The following L3MBTL4 variants were observed in gnomAD, a reference collection of about 807,000 sequenced individuals.
L3MBTL4 encodes L3MBTL histone methyl-lysine binding protein 4, also known as lethal(3)malignant brain tumor-like protein 4.
L3MBTL4 carries 70 observed loss-of-function variants against 84.5 expected under a neutral mutation model. The observed-to-expected ratio is 0.83, with a 90% CI of 0.68 to 1.01. L3MBTL4 has a LOEUF of 1.01. Among genes scored for constraint, L3MBTL4 ranks in the 50% least tolerant of loss-of-function variants. L3MBTL4 has a pLI of 0.00. For synonymous variants in L3MBTL4, 274 were observed against 259.8 expected (o/e 1.05, Z -0.52); for missense variants, 715 against 754.8 (o/e 0.95, Z 0.62).
intron 14 of L3MBTL4, among the ~76,000 whole-genome samples, chr18:6,133,524 C>G (rs2059938897): frequency 6.6e-6 from 1 of 152,140 alleles, no homozygotes; most frequent in Non-Finnish European, 1.5e-5. Context: ...CCTCCCTCAT[C>G]TTTCCTTTTT....
chr18:6,195,352 C>T (rs768044475), intron 12 of L3MBTL4, among the ~76,000 whole-genome samples: 2 of 152,178 alleles, frequency 1.3e-5, no homozygotes, highest in Admixed American at 1.3e-4. Context: ...TACCCTGTGC[C>T]CCTGCACTCT....
intron 1 of L3MBTL4, among the ~76,000 whole-genome samples, chr18:6,378,863 A>G (rs1014107558): frequency 1.3e-5 from 2 of 152,120 alleles, no homozygotes; most frequent in African/African-American, 4.8e-5. Context: ...AAGAAAGTCA[A>G]TGGTAGCTTG....
chr18:6,376,919 A>G (rs8099256), intron 1 of L3MBTL4, among the ~76,000 whole-genome samples: 36,683 of 152,140 alleles, frequency 0.24, 7,222 homozygotes, highest in African/African-American at 0.54. Context: ...CACTGAAATC[A>G]TTGTGTATTT....
chr18:6,325,586 C>G (rs1334541556), intron 1 of L3MBTL4, among the ~76,000 whole-genome samples: 1 of 152,034 alleles, frequency 6.6e-6, no homozygotes, highest in Non-Finnish European at 1.5e-5. Flanking sequence ...AAGTAAACTG[C>G]CTTTTTACTT....
intron 14 of L3MBTL4, among the ~76,000 whole-genome samples, chr18:6,125,845 C>A (rs1320581618): frequency 6.6e-6 from 1 of 152,202 alleles, no homozygotes; most frequent in Non-Finnish European, 1.5e-5. Flanking sequence ...CATGCACACA[C>A]ATGAATTTTG....
chr18:6,228,841 A>T (rs1023504296), intron 10 of L3MBTL4, among the ~76,000 whole-genome samples: 2 of 152,152 alleles, frequency 1.3e-5, no homozygotes, highest in Non-Finnish European at 2.9e-5. Flanking sequence ...GTGACATCAA[A>T]TGCCTAACTT....
At position 6,098,167 on chromosome 18, in the gene L3MBTL4, A is replaced by G. The variant is rs74876115; in HGVS notation, c.1200-4639T>C. On this transcript the variant is annotated intron_variant, in intron 14 of 18. Transcript: ENST00000317931. ...GAGACTTGATTCCCACTTCTCTCTG[A>G]GAGCCCTGTTCTGCTAAAAGGGTGG... Among the ~76,000 whole-genome samples the G allele has an allele frequency of 4.5e-4, 69 of 152,290 alleles. 1 individual carries two copies. In the East Asian group the frequency reaches 0.012, roughly 27 times the overall value.
intron 16 of L3MBTL4, among the ~76,000 whole-genome samples, chr18:6,047,924 G>T (rs1416422106): frequency 1.3e-5 from 2 of 152,148 alleles, no homozygotes; most frequent in Non-Finnish European, 2.9e-5. Context: ...GCAAGAGAAA[G>T]AAATAAAAGG....
chr18:6,047,478 T>C (rs2056673034), intron 16 of L3MBTL4, among the ~76,000 whole-genome samples: 1 of 152,018 alleles, frequency 6.6e-6, no homozygotes, highest in South Asian at 2.1e-4. Context: ...ATATACCTGA[T>C]AAATATAGAC....
At chr18:6,150,900 A>G (rs1449800418) in intron 13 of L3MBTL4, among the ~76,000 whole-genome samples, 2 of 152,186 alleles carry the variant, frequency 1.3e-5, no homozygotes, top group Non-Finnish European at 2.9e-5. Context: ...AGCTCCCATG[A>G]TACAGTCTAA....
At chr18:6,212,585 G>A (rs1430282540) in intron 12 of L3MBTL4, among the ~76,000 whole-genome samples, 1 of 152,158 alleles carries the variant, frequency 6.6e-6, no homozygotes, top group Admixed American at 6.5e-5. Flanking sequence ...TAGCCACAGT[G>A]AATAAAGTGT....
chr18:6,396,873 T>C (rs1222817350), intron 1 of L3MBTL4: 1 of 152,234 alleles, frequency 6.6e-6, no homozygotes, highest in East Asian at 1.9e-4. Flanking sequence ...CTGAGGCACA[T>C]TACTAACTAA....
intron 16 of L3MBTL4, among the ~76,000 whole-genome samples, chr18:5,972,902 T>TAGAATAGAATAGAACAGAAG (rs2052720493): frequency 1.1e-4 from 1 of 9,200 alleles, no homozygotes; most frequent in African/African-American, 1.1e-3. Flanking sequence ...GAGAATAGAA[T>TAGAATAGAATAGAACAGAAG]AGAATAGAAT....
chr18:6,061,502 T>G (rs983298665), intron 16 of L3MBTL4, among the ~76,000 whole-genome samples: 1 of 152,124 alleles, frequency 6.6e-6, no homozygotes, highest in Non-Finnish European at 1.5e-5. Flanking sequence ...AAAGTCCAAC[T>G]TATCTAGTTT....
chr18:6,121,574 G>GT (rs1359375147), intron 14 of L3MBTL4, among the ~76,000 whole-genome samples: 1 of 152,106 alleles, frequency 6.6e-6, no homozygotes, highest in African/African-American at 2.4e-5. Flanking sequence ...GATATTTCAT[G>GT]TCTTACAAGG....
intron 16 of L3MBTL4, among the ~76,000 whole-genome samples, chr18:5,978,113 T>C (rs1382890119): frequency 6.6e-6 from 1 of 152,242 alleles, no homozygotes; most frequent in Non-Finnish European, 1.5e-5. Context: ...GATAAGGCAG[T>C]GGCAAATGCT....
chr18:6,143,819 C>T (rs2060264489), intron 13 of L3MBTL4, among the ~76,000 whole-genome samples: 2 of 151,694 alleles, frequency 1.3e-5, no homozygotes, highest in South Asian at 2.1e-4. Context: ...ACCACTGTAT[C>T]CCCAGCACCT....
rs189748399 is a variant in L3MBTL4 at position 6,206,403 on chromosome 18, A to C, written c.981+6746T>G. On this transcript the variant is annotated intron_variant, in intron 12 of 18. Coordinates refer to ENST00000317931, the MANE Select transcript of L3MBTL4 (RefSeq NM_001330559.2). Reference sequence around the variant, plus strand: ...CTGTGAAACATTCTATTTCTATTCTATCTGGCTCATGACTGAGCTGATGTC... The same window carrying C: ...CTGTGAAACATTCTATTTCTATTCTCTCTGGCTCATGACTGAGCTGATGTC... Among the ~76,000 whole-genome samples, 194 of 152,312 alleles carry C rather than the reference A, an allele frequency of 1.3e-3. 2 individuals are homozygous for C. In the South Asian group the frequency reaches 0.015, roughly 12 times the overall value.
chr18:6,299,918 C>T (rs1321190335), intron 4 of L3MBTL4, among the ~76,000 whole-genome samples: 1 of 152,128 alleles, frequency 6.6e-6, no homozygotes, highest in Non-Finnish European at 1.5e-5. Context: ...GAGATCCACC[C>T]GCCTTGGTCT....
Sources: gnomAD v4.1 joint callset for allele counts (sites outside exome capture counted in the v4.1 genomes callset) on GRCh38, gnomAD v4.1.1 for gene constraint, MANE v1.5 for transcripts, NCBI Gene and HGNC (gene_info 2026-07-23, HGNC 2026-07-21) for gene names.